KCTD16: variants seen among roughly 807,000 people sequenced by gnomAD.
KCTD16 encodes the protein potassium channel tetramerization domain containing 16.
KCTD16 carries 13 observed loss-of-function variants against 33.2 expected under a neutral mutation model. The ratio of observed to expected loss-of-function variants is 0.39; its 90% CI spans 0.25 to 0.62. The LOEUF is 0.62. Among genes scored for constraint, KCTD16 ranks in the 20% least tolerant of loss-of-function variants. The pLI is 0.50. For missense variants in KCTD16, 441 were observed against 525.1 expected, an observed-to-expected ratio of 0.84 and a Z score of 1.57; for synonymous variants, 197 against 195.3, an observed-to-expected ratio of 1.01 and a Z score of -0.07.
intron 3 of KCTD16, among the ~76,000 whole-genome samples, chr5:144,456,541 A>G (rs1054057007): frequency 6.6e-5 from 10 of 152,162 alleles, no homozygotes; most frequent in African/African-American, 2.4e-4. Context: ...GCCATCTGAC[A>G]GTGCAATTTG....
intron 2 of KCTD16, among the ~76,000 whole-genome samples, chr5:144,174,901 C>G (rs1046602151): frequency 6.6e-6 from 1 of 152,232 alleles, no homozygotes; most frequent in South Asian, 2.1e-4. Context: ...AGTAACAAAC[C>G]TTTCTAATGT....
rs1422022383 is a variant in KCTD16 at position 144,329,345 on chromosome 5, A to G, written c.832+121799A>G. 2.6e-5 allele frequency among the ~76,000 whole-genome samples: 4 copies of G among 152,166 alleles called. No homozygotes were observed. The East Asian group carries it at 5.8e-4, about 22-fold the overall frequency. On this transcript the variant is annotated intron_variant, in intron 3 of 3. Transcript: ENST00000512467. The stretch of plus-strand genomic sequence containing the variant: ...GCAGGCTGATAGGATTTATGACCCC[A>G]GGGTTGGAAAAGCATAAAGAGGAGA...
At chr5:144,294,991 C>T (rs1755996490) in intron 3 of KCTD16, among the ~76,000 whole-genome samples, 1 of 152,308 alleles carries the variant, frequency 6.6e-6, no homozygotes, top group Admixed American at 6.5e-5. Flanking sequence ...CCTCATTCAT[C>T]CACCAATTGT....
At chr5:144,285,179 G>A (rs1431096347) in intron 3 of KCTD16, among the ~76,000 whole-genome samples, 1 of 152,210 alleles carries the variant, frequency 6.6e-6, no homozygotes, top group Non-Finnish European at 1.5e-5. Flanking sequence ...AGAGACTGAA[G>A]TAAGTTTCCT....
chr5:144,233,718 C>T (rs750348526), intron 3 of KCTD16, among the ~76,000 whole-genome samples: 4 of 152,050 alleles, frequency 2.6e-5, no homozygotes, highest in African/African-American at 7.2e-5. Flanking sequence ...TTAGATCATC[C>T]GTAAACAGGA....
intron 3 of KCTD16, among the ~76,000 whole-genome samples, chr5:144,278,302 A>C (rs929378869): frequency 6.6e-6 from 1 of 151,938 alleles, no homozygotes; most frequent in Non-Finnish European, 1.5e-5. Flanking sequence ...TGGACTCATC[A>C]AAAAAATTTG....
chr5:144,428,271 C>T (rs997738517), intron 3 of KCTD16, among the ~76,000 whole-genome samples: 1 of 152,132 alleles, frequency 6.6e-6, no homozygotes, highest in Non-Finnish European at 1.5e-5. Flanking sequence ...GTCTGTTAAT[C>T]AGTGTCTTGA....
At chr5:144,331,311 G>A (rs553141918) in intron 3 of KCTD16, among the ~76,000 whole-genome samples, 1 of 152,242 alleles carries the variant, frequency 6.6e-6, no homozygotes, top group East Asian at 1.9e-4. Context: ...AGACCTCAAG[G>A]CACAGCACCA....
chr5:144,467,401 T>C (rs1371407032), intron 3 of KCTD16, among the ~76,000 whole-genome samples: 3 of 152,132 alleles, frequency 2.0e-5, no homozygotes, highest in African/African-American at 7.2e-5. Flanking sequence ...CATACAGATA[T>C]TCAATGAGCA....
intron 3 of KCTD16, among the ~76,000 whole-genome samples, chr5:144,387,813 G>GGGGTAGGCA (rs978758834): frequency 6.6e-5 from 10 of 152,078 alleles, no homozygotes; most frequent in African/African-American, 2.2e-4. Flanking sequence ...CAGCCTATAA[G>GGGGTAGGCA]GGGTAGGCAC....
intron 3 of KCTD16, among the ~76,000 whole-genome samples, chr5:144,308,148 A>G (rs1392909098): frequency 6.6e-6 from 1 of 152,212 alleles, no homozygotes; most frequent in Non-Finnish European, 1.5e-5. Flanking sequence ...AATAGCTAGA[A>G]GAAAAGAGGA....
intron 3 of KCTD16, among the ~76,000 whole-genome samples, chr5:144,406,233 G>T (rs1382726321): frequency 6.6e-6 from 1 of 152,134 alleles, no homozygotes; most frequent in Non-Finnish European, 1.5e-5. Context: ...TTGGACAAAG[G>T]CTGTTCTAGC....
intron 3 of KCTD16, among the ~76,000 whole-genome samples, chr5:144,215,648 G>A (rs1294721852): frequency 1.3e-5 from 2 of 152,174 alleles, no homozygotes; most frequent in Non-Finnish European, 2.9e-5. Flanking sequence ...GCCACATAGA[G>A]TTGTTATGAT....
At position 144,238,912 on chromosome 5, in the gene KCTD16, CA is replaced by C. The variant is rs372716191; in HGVS notation, c.832+31367del. ...GCATGCCTACAAGGAGCTTAAAGTT[CA>C]GGGGAGAAGACAAACAAGTTGGTGG... On this transcript the variant is annotated intron_variant, in intron 3 of 3. Transcript: ENST00000512467. Among the ~76,000 whole-genome samples, 523 of 152,206 alleles carry C rather than the reference CA, an allele frequency of 3.4e-3. 4 individuals are homozygous for C. The highest frequency in any genetic ancestry group is 0.012 in the African/African-American group (490 of 41,544).
intron 3 of KCTD16, among the ~76,000 whole-genome samples, chr5:144,380,969 C>T (rs1191860454): frequency 6.6e-6 from 1 of 151,684 alleles, no homozygotes; most frequent in Non-Finnish European, 1.5e-5. Context: ...CAAGTGAGAC[C>T]CCAGAGTTTC....
At chr5:144,277,401 T>G (rs1451194392) in intron 3 of KCTD16, among the ~76,000 whole-genome samples, 2 of 152,164 alleles carry the variant, frequency 1.3e-5, no homozygotes, top group African/African-American at 4.8e-5. Flanking sequence ...TCTTGTAGGG[T>G]GCACACTAAG....
chr5:144,351,326 AG>A (rs1434088985), intron 3 of KCTD16, among the ~76,000 whole-genome samples: 1 of 152,222 alleles, frequency 6.6e-6, no homozygotes, highest in East Asian at 1.9e-4. Flanking sequence ...ACTAGTCATC[AG>A]GGAAATGCCA....
At chr5:144,361,416 C>T (rs957813870) in intron 3 of KCTD16, among the ~76,000 whole-genome samples, 3 of 152,116 alleles carry the variant, frequency 2.0e-5, no homozygotes, top group Admixed American at 2.0e-4. Context: ...CTTATAACAA[C>T]CCCTTTCACT....
At chr5:144,316,825 C>CT (rs1751929173) in intron 3 of KCTD16, among the ~76,000 whole-genome samples, 2 of 114,538 alleles carry the variant, frequency 1.7e-5, no homozygotes, top group Admixed American at 8.9e-5. Context: ...GGCCAGCATC[C>CT]CTTTTTTTTT....
Sources: allele counts gnomAD v4.1 joint callset (sites outside exome capture counted in the v4.1 genomes callset), GRCh38; gene constraint gnomAD v4.1.1; transcripts MANE v1.5; gene names NCBI Gene and HGNC (gene_info 2026-07-23, HGNC 2026-07-21).